ADGRL2: variants seen among roughly 807,000 people sequenced by gnomAD.
ADGRL2 encodes the protein adhesion G protein-coupled receptor L2, also known as calcium-independent alpha-latrotoxin receptor 2.
Under a neutral mutation model 157.4 loss-of-function variants are expected in ADGRL2, and 44 were observed. The ratio of observed to expected loss-of-function variants is 0.28; its 90% CI spans 0.22 to 0.36. The LOEUF (loss-of-function observed/expected upper bound fraction) is 0.36, where lower values mean the gene tolerates loss of function less well. Ranked by LOEUF, ADGRL2 falls within the 10% of genes least tolerant of loss-of-function variation. The pLI is 1.00. For missense variants in ADGRL2, 1,510 were observed against 1,768.9 expected, an observed-to-expected ratio of 0.85 and a Z score of 2.63; for synonymous variants, 585 against 624.7, an observed-to-expected ratio of 0.94 and a Z score of 0.95.
At chr1:81,834,178 G>A (rs768598796) in intron 1 of ADGRL2, among the ~76,000 whole-genome samples, 1 of 152,106 alleles carries the variant, frequency 6.6e-6, no homozygotes, top group Non-Finnish European at 1.5e-5. Flanking sequence ...TACCCTCCCA[G>A]TTCCTCCCCC....
intron 3 of ADGRL2, among the ~76,000 whole-genome samples, chr1:81,935,288 T>C (rs1157917531): frequency 6.6e-6 from 1 of 151,966 alleles, no homozygotes; most frequent in Non-Finnish European, 1.5e-5. Flanking sequence ...TTCTTGAAAA[T>C]TACAGTATAT....
At chr1:81,898,430 G>A (rs2094432181) in intron 2 of ADGRL2, among the ~76,000 whole-genome samples, 1 of 152,088 alleles carries the variant, frequency 6.6e-6, no homozygotes, top group Non-Finnish European at 1.5e-5. Context: ...TCCACGTGTC[G>A]TAGTTTAGGT....
chr1:81,631,706 T>C (rs1311716918), intron 3 of ADGRL2, among the ~76,000 whole-genome samples: 2 of 152,208 alleles, frequency 1.3e-5, no homozygotes, highest in African/African-American at 4.8e-5. Context: ...TGGTTTAATA[T>C]ATACCCCAGG....
chr1:81,934,875 G>T (rs920924204), intron 3 of ADGRL2, among the ~76,000 whole-genome samples: 3 of 151,846 alleles, frequency 2.0e-5, no homozygotes, highest in African/African-American at 7.2e-5. Context: ...ATCACTGTAG[G>T]TATGAATAAA....
intron 2 of ADGRL2, among the ~76,000 whole-genome samples, chr1:81,460,239 A>G (rs1228193293): frequency 6.6e-6 from 1 of 151,302 alleles, no homozygotes; most frequent in African/African-American, 2.4e-5. Flanking sequence ...TGTCATGTAA[A>G]TTTTTATATT....
intron 21 of ADGRL2, 144 bp from the exon 22 acceptor site, chr1:81,986,757 G>A: frequency 1.3e-6 from 1 of 742,728 alleles, no homozygotes. Flanking sequence ...AATACAGTCA[G>A]AACATTTCAA....
At position 81,930,985 on chromosome 1, in the gene ADGRL2, A is replaced by C. The variant is rs1356678028; in HGVS notation, c.288-5743A>C. The stretch of plus-strand genomic sequence containing the variant: ...CGTCTCTACTGGAAAAAAAATAAAA[A>C]TAAAAAAATAAAAATTAGCCAGGCG... On this transcript the variant is annotated intron_variant, in intron 3 of 23. Transcript: ENST00000686636. Among the ~76,000 whole-genome samples, 3 of 152,186 alleles carry C rather than the reference A, an allele frequency of 2.0e-5. No individual in the cohort carries two copies. In the East Asian group the frequency reaches 5.8e-4, roughly 29 times the overall value.
chr1:81,754,432 C>G (rs2085600529), intron 1 of ADGRL2, among the ~76,000 whole-genome samples: 1 of 143,562 alleles, frequency 7.0e-6, no homozygotes, highest in South Asian at 2.3e-4. Flanking sequence ...TTATTTTCTC[C>G]TCCTCCTTCT....
chr1:81,351,552 A>T (rs1285108922), intron 1 of ADGRL2, among the ~76,000 whole-genome samples: 1 of 152,076 alleles, frequency 6.6e-6, no homozygotes, highest in Non-Finnish European at 1.5e-5. Context: ...TATTAAATGG[A>T]CAAGTTATCT....
chr1:81,924,142 C>T (rs944246347), intron 3 of ADGRL2, among the ~76,000 whole-genome samples: 8 of 152,118 alleles, frequency 5.3e-5, no homozygotes, highest in Non-Finnish European at 1.0e-4. Flanking sequence ...TGATTCTTCC[C>T]GCATATGTGT....
intron 1 of ADGRL2, among the ~76,000 whole-genome samples, chr1:81,723,701 A>G (rs2084415100): frequency 6.6e-6 from 1 of 152,200 alleles, no homozygotes; most frequent in Admixed American, 6.5e-5. Flanking sequence ...TGGGACCACC[A>G]GTATTTCAGT....
intron 2 of ADGRL2, among the ~76,000 whole-genome samples, chr1:81,769,595 A>C: frequency 6.6e-6 from 1 of 151,576 alleles, no homozygotes; most frequent in South Asian, 2.1e-4. Flanking sequence ...ATAATTATAT[A>C]ATAATTTAAA....
chr1:81,501,672 A>T, intron 2 of ADGRL2: 1 of 1,515,960 alleles, frequency 6.6e-7, no homozygotes, highest in East Asian at 2.3e-5. Flanking sequence ...GCCACCCGAA[A>T]ACCCGGAGTG....
intron 2 of ADGRL2, among the ~76,000 whole-genome samples, chr1:81,456,142 A>G (rs116461332): frequency 0.014 from 2,163 of 152,328 alleles, 61 homozygotes; most frequent in Admixed American, 0.073. Context: ...ACATAACAAC[A>G]CAAGTGTGGG....
At chr1:81,461,932 G>GC (rs775029238) in intron 2 of ADGRL2, among the ~76,000 whole-genome samples, 5 of 67,590 alleles carry the variant, frequency 7.4e-5, no homozygotes, top group Non-Finnish European at 1.3e-4. Flanking sequence ...AAGAAGAAAG[G>GC]GGGGGGGGGG....
chr1:81,721,901 G>A (rs563116073), intron 1 of ADGRL2: 2 of 719,242 alleles, frequency 2.8e-6, no homozygotes, highest in African/African-American at 1.7e-5. Context: ...AAAACTTAAA[G>A]GCAGACAAAC....
intron 11 of ADGRL2, among the ~76,000 whole-genome samples, chr1:81,957,671 T>C (rs2149165062): frequency 6.6e-6 from 1 of 152,138 alleles, no homozygotes; most frequent in African/African-American, 2.4e-5. Context: ...ATCATGCCAC[T>C]GCACTCCACC....
chr1:81,524,235 G>A (rs781039757), intron 2 of ADGRL2, among the ~76,000 whole-genome samples: 3 of 151,622 alleles, frequency 2.0e-5, no homozygotes, highest in Non-Finnish European at 4.4e-5. Context: ...ATGTGGTGAC[G>A]GGCGCCTGTA....
At chr1:81,374,596 C>G (rs914555079) in intron 1 of ADGRL2, among the ~76,000 whole-genome samples, 1 of 51,836 alleles carries the variant, frequency 1.9e-5, no homozygotes, top group Admixed American at 1.9e-4. Flanking sequence ...AAACAAGTTG[C>G]CTTGCTAGGA....
Sources: gnomAD v4.1 joint callset for allele counts (sites outside exome capture counted in the v4.1 genomes callset) on GRCh38, gnomAD v4.1.1 for gene constraint, MANE v1.5 for transcripts, NCBI Gene and HGNC (gene_info 2026-07-23, HGNC 2026-07-21) for gene names.